NCOA2: variants seen among roughly 807,000 people sequenced by gnomAD.
NCOA2 encodes the protein nuclear receptor coactivator 2, also known as class E basic helix-loop-helix protein 75.
A neutral mutation model predicts 145.1 loss-of-function variants in NCOA2; 21 were observed. The ratio of observed to expected loss-of-function variants is 0.14; its 90% CI spans 0.10 to 0.21. The LOEUF is 0.21. NCOA2 is among the 10% of genes least tolerant of loss of function. The pLI is 1.00. For synonymous variants in NCOA2, 619 were observed against 637.5 expected (o/e 0.97, Z 0.44); for missense variants, 1,472 against 1,837.6 (o/e 0.80, Z 3.64).
intron 1 of NCOA2, among the ~76,000 whole-genome samples, chr8:70,365,701 TAG>T: frequency 6.6e-6 from 1 of 152,350 alleles, no homozygotes; most frequent in East Asian, 1.9e-4. Context: ...TGTTCCACAC[TAG>T]AGACACCAAT....
At chr8:70,306,170 T>C (rs1359324624) in intron 1 of NCOA2, among the ~76,000 whole-genome samples, 1 of 152,004 alleles carries the variant, frequency 6.6e-6, no homozygotes, top group Non-Finnish European at 1.5e-5. Flanking sequence ...CGGGAAAAAA[T>C]TGAGATCTAG....
At chr8:70,239,021 A>T (rs1324232501) in intron 2 of NCOA2, among the ~76,000 whole-genome samples, 2 of 152,142 alleles carry the variant, frequency 1.3e-5, no homozygotes. Context: ...TGTTCTGCTC[A>T]CATTAACCTC....
intron 1 of NCOA2, among the ~76,000 whole-genome samples, chr8:70,322,843 T>C (rs1806201538): frequency 6.6e-6 from 1 of 152,156 alleles, no homozygotes; most frequent in East Asian, 1.9e-4. Flanking sequence ...TTCCTAATAA[T>C]ATAGCCAAAA....
intron 1 of NCOA2, among the ~76,000 whole-genome samples, chr8:70,343,423 C>T (rs951897799): frequency 1.3e-5 from 2 of 151,502 alleles, no homozygotes; most frequent in South Asian, 4.2e-4. Context: ...AAATGGGTGA[C>T]CAACTTGAAA....
chr8:70,173,933 T>C (rs1029471465), intron 5 of NCOA2, among the ~76,000 whole-genome samples: 2 of 152,242 alleles, frequency 1.3e-5, no homozygotes, highest in African/African-American at 4.8e-5. Flanking sequence ...AGCTAGCTGA[T>C]TCTACAATGG....
At chr8:70,227,435 G>T (rs1186327094) in intron 2 of NCOA2, among the ~76,000 whole-genome samples, 1 of 152,178 alleles carries the variant, frequency 6.6e-6, no homozygotes, top group African/African-American at 2.4e-5. Context: ...GGGTGAGTGT[G>T]TAAGAAGTAT....
At chr8:70,134,140 C>T (rs917429187) in intron 15 of NCOA2, among the ~76,000 whole-genome samples, 1 of 152,140 alleles carries the variant, frequency 6.6e-6, no homozygotes, top group African/African-American at 2.4e-5. Flanking sequence ...TCTCCACAGC[C>T]CACACTCTCC....
intron 1 of NCOA2, among the ~76,000 whole-genome samples, chr8:70,395,004 CTGTT>C (rs1238747285): frequency 2.0e-5 from 3 of 152,154 alleles, no homozygotes; most frequent in Non-Finnish European, 4.4e-5. Flanking sequence ...CAGAGTAAAT[CTGTT>C]TGGTAAAGGG....
intron 22 of NCOA2, among the ~76,000 whole-genome samples, chr8:70,119,021 C>A (rs1807468571): frequency 6.6e-6 from 1 of 151,952 alleles, no homozygotes; most frequent in African/African-American, 2.4e-5. Context: ...TTTATTTGTT[C>A]AAATTTATGG....
intron 5 of NCOA2, among the ~76,000 whole-genome samples, chr8:70,171,652 T>C (rs1341744039): frequency 3.9e-5 from 6 of 152,214 alleles, no homozygotes; most frequent in Non-Finnish European, 8.8e-5. Context: ...TTCTTTGTGA[T>C]ATGTGTTTAT....
the NCOA2 span, among the ~76,000 whole-genome samples, chr8:70,429,171 A>G: frequency 6.6e-6 from 1 of 152,236 alleles, no homozygotes; most frequent in Non-Finnish European, 1.5e-5. Context: ...GTTTTGCAGC[A>G]ATACTATAAT....
intron 4 of NCOA2, among the ~76,000 whole-genome samples, chr8:70,205,927 G>A (rs1422306022): frequency 1.3e-5 from 2 of 152,170 alleles, no homozygotes; most frequent in Non-Finnish European, 2.9e-5. Flanking sequence ...ACTCCCCTGG[G>A]CACAATGGCA....
At chr8:70,436,934 C>T in the NCOA2 span, among the ~76,000 whole-genome samples, 1 of 152,276 alleles carries the variant, frequency 6.6e-6, no homozygotes, top group African/African-American at 2.4e-5. Flanking sequence ...CATTTGAGAA[C>T]GGCCATATAG....
chr8:70,377,276 T>C (rs1402977968), intron 1 of NCOA2, among the ~76,000 whole-genome samples: 3 of 151,900 alleles, frequency 2.0e-5, no homozygotes, highest in Admixed American at 6.6e-5. Context: ...TAAAAACTTA[T>C]ATTTCCTATC....
chr8:70,414,685 C>T, the NCOA2 span, among the ~76,000 whole-genome samples: 15 of 152,252 alleles, frequency 9.9e-5, no homozygotes, highest in East Asian at 2.3e-3. Context: ...TTAGGCTCCT[C>T]GAAAATCTGG....
chr8:70,118,552 A>C (rs542858019), intron 22 of NCOA2, among the ~76,000 whole-genome samples: 1 of 152,354 alleles, frequency 6.6e-6, no homozygotes, highest in Admixed American at 6.5e-5. Context: ...ATATGCACAC[A>C]GTAAGTTAAA....
intron 2 of NCOA2, among the ~76,000 whole-genome samples, chr8:70,219,720 A>G (rs145643182): frequency 6.1e-4 from 93 of 152,360 alleles, no homozygotes; most frequent in African/African-American, 2.2e-3. Flanking sequence ...GTCTTAGAGC[A>G]GACACATAAA....
chr8:70,409,627 T>C, the NCOA2 span, among the ~76,000 whole-genome samples: 4 of 152,190 alleles, frequency 2.6e-5, no homozygotes, highest in African/African-American at 9.7e-5. Context: ...CCAAGCACTT[T>C]GGGAGGCCAA....
the NCOA2 span, among the ~76,000 whole-genome samples, chr8:70,437,757 T>C: frequency 3.9e-5 from 6 of 152,184 alleles, no homozygotes; most frequent in East Asian, 1.2e-3. Flanking sequence ...AATAAATGAA[T>C]GTACAGCAAA....
Sources: gnomAD v4.1 joint callset for allele counts (sites outside exome capture counted in the v4.1 genomes callset) on GRCh38, gnomAD v4.1.1 for gene constraint, MANE v1.5 for transcripts, NCBI Gene and HGNC (gene_info 2026-07-23, HGNC 2026-07-21) for gene names.